KDM2A: variants seen among roughly 807,000 people sequenced by gnomAD.
KDM2A encodes the protein lysine demethylase 2A.
In KDM2A, 3 loss-of-function variants were observed where a neutral mutation model predicts 137.3. That is an observed-to-expected ratio of 0.02 (90% CI 0.01 to 0.06). KDM2A has a LOEUF of 0.06. Among genes scored for constraint, KDM2A ranks in the 10% least tolerant of loss-of-function variants. The probability of loss-of-function intolerance (pLI) is 1.00; values close to 1 mark genes in which losing one functional copy is unlikely to be tolerated. For synonymous variants in KDM2A, 512 were observed against 541.5 expected (o/e 0.95, Z 0.76); for missense variants, 738 against 1,510.6 (o/e 0.49, Z 8.48).
At chr11:67,249,330 C>T (rs1859338382) in intron 16 of KDM2A, among the ~76,000 whole-genome samples, 1 of 152,064 alleles carries the variant, frequency 6.6e-6, no homozygotes, top group Non-Finnish European at 1.5e-5. Flanking sequence ...AGGTAGCACC[C>T]AAAAGGTGGT....
chr11:67,159,709 A>ATAGG (rs1434739263), intron 2 of KDM2A, among the ~76,000 whole-genome samples: 1 of 152,214 alleles, frequency 6.6e-6, no homozygotes, highest in Non-Finnish European at 1.5e-5. Flanking sequence ...CAGGCATTTG[A>ATAGG]TAGGTACTGG....
At chr11:67,213,217 A>G (rs146738671) in intron 6 of KDM2A, among the ~76,000 whole-genome samples, 2 of 152,324 alleles carry the variant, frequency 1.3e-5, no homozygotes, top group East Asian at 3.9e-4. Context: ...TTCACATTAT[A>G]AGGGAAGTAA....
At chr11:67,171,630 G>A (rs1036132645) in intron 2 of KDM2A, among the ~76,000 whole-genome samples, 9 of 152,218 alleles carry the variant, frequency 5.9e-5, no homozygotes, top group African/African-American at 2.2e-4. Flanking sequence ...GCTTGGGTCA[G>A]CTTTACCTTT....
chr11:67,226,465 G>C (rs1858547924), intron 10 of KDM2A, among the ~76,000 whole-genome samples: 1 of 152,168 alleles, frequency 6.6e-6, no homozygotes, highest in Admixed American at 6.5e-5. Flanking sequence ...GCTCACGCCT[G>C]TAATCCCAGA....
chr11:67,138,364 G>C (rs945841847), intron 2 of KDM2A, among the ~76,000 whole-genome samples: 2 of 152,210 alleles, frequency 1.3e-5, no homozygotes, highest in Non-Finnish European at 2.9e-5. Flanking sequence ...TTGCTAATCA[G>C]GTTGCATAGG....
rs1043192817 is a variant in KDM2A, at chr11:67,255,856, C to G, written c.*801C>G. ...TGAGACAGGCACCATCTCCTTGTTC[C>G]CCCTCTCTCTTTTGCCTCCCACTGA... is the stretch of plus-strand genomic sequence containing the variant. On this transcript the variant is annotated 3_prime_UTR_variant, in exon 21 of 21. Coordinates refer to ENST00000529006, the MANE Select transcript of KDM2A (RefSeq NM_012308.3). 2 of 277,240 alleles carry G rather than the reference C, an allele frequency of 7.2e-6. No homozygotes were observed. Among genetic ancestry groups the G allele is most frequent in the Admixed American group, 9.5e-5 (2 of 21,012 alleles). 17.2% of individuals were successfully genotyped at this position (277,240 alleles called of 1,614,324 possible).
chr11:67,250,240 C>G lies in KDM2A; in HGVS notation c.2210C>G (p.Thr737Ser), dbSNP rs765992301. Residue 737 changes from threonine to serine, a missense_variant, in exon 17 of 21, where the codon ACT (threonine) becomes AGT (serine). Physicochemically the swap from Thr to Ser is moderately conservative, Grantham distance 58. This residue lies in a region of KDM2A where 244 missense variants were observed against 324.6 expected (regional missense o/e 0.75). Transcript: ENST00000529006. This position sits in a 1 kb window ranked among gnomAD's most constrained non-coding sequence, Gnocchi z 7.1. ...CCGGTTTCCCCCCGGGGTATGGTGA[C>G]TCGGTCATCCCCTGGGGCTGGCCCC... Reference protein sequence around the residue: ...HDPVSPRGMVTRSSPGAGPSD... With the variant: ...HDPVSPRGMVSRSSPGAGPSD... 1 of 1,613,766 alleles carries G rather than the reference C, an allele frequency of 6.2e-7. No homozygotes were observed. The highest frequency in any genetic ancestry group is 1.1e-5 in the South Asian group (1 of 91,088).
intron 15 of KDM2A, among the ~76,000 whole-genome samples, chr11:67,247,422 C>CTTTTTTTT (rs56012601): frequency 1.2e-5 from 1 of 84,528 alleles, no homozygotes; most frequent in Non-Finnish European, 2.1e-5. Flanking sequence ...GCATTACAAT[C>CTTTTTTTT]TTTTTTTTTT....
At chr11:67,124,979 TC>T (rs1333456159) in intron 2 of KDM2A, among the ~76,000 whole-genome samples, 1 of 150,046 alleles carries the variant, frequency 6.7e-6, no homozygotes, top group Non-Finnish European at 1.5e-5. Context: ...TGCCTCAGAC[TC>T]CCGAGTAGCT....
intron 6 of KDM2A, among the ~76,000 whole-genome samples, chr11:67,213,270 A>T (rs914858170): frequency 6.6e-6 from 1 of 152,226 alleles, no homozygotes; most frequent in Non-Finnish European, 1.5e-5. Flanking sequence ...TACCAGATAC[A>T]TGTTTTTTAT....
At chr11:67,192,433 CTTTT>C (rs921321640) in intron 5 of KDM2A, among the ~76,000 whole-genome samples, 2 of 70,534 alleles carry the variant, frequency 2.8e-5, no homozygotes, top group Non-Finnish European at 5.7e-5. Context: ...GTTTCCATTT[CTTTT>C]TTTTTTTTTT....
chr11:67,147,684 C>CTT (rs554907447), intron 2 of KDM2A, among the ~76,000 whole-genome samples: 112 of 145,790 alleles, frequency 7.7e-4, no homozygotes, highest in African/African-American at 2.6e-3. Context: ...ATTAGAGATT[C>CTT]TTTTTTTTTT....
chr11:67,201,117 C>G (rs1453408399), intron 5 of KDM2A, among the ~76,000 whole-genome samples: 3 of 151,412 alleles, frequency 2.0e-5, no homozygotes, highest in African/African-American at 7.3e-5. Flanking sequence ...TGGCGTGAAC[C>G]CGGGAGGCGG....
intron 2 of KDM2A, among the ~76,000 whole-genome samples, chr11:67,139,773 G>C (rs980473873): frequency 2.6e-5 from 4 of 151,982 alleles, no homozygotes; most frequent in African/African-American, 9.7e-5. Flanking sequence ...GCGCTGGCAC[G>C]ATCTTGGCTC....
intron 2 of KDM2A, among the ~76,000 whole-genome samples, chr11:67,178,185 C>G (rs1259365522): frequency 6.6e-6 from 1 of 152,082 alleles, no homozygotes; most frequent in Non-Finnish European, 1.5e-5. Flanking sequence ...GCGTGCAGAT[C>G]GCTTGAGCAC....
At chr11:67,196,737 C>T (rs192722217) in intron 5 of KDM2A, 672 of 286,734 alleles carry the variant, frequency 2.3e-3, no homozygotes, top group Non-Finnish European at 3.9e-3. Context: ...GGACTTAAAA[C>T]GGCCATAGTT....
chr11:67,177,373 G>C (rs1856993544), intron 2 of KDM2A, among the ~76,000 whole-genome samples: 1 of 151,902 alleles, frequency 6.6e-6, no homozygotes, highest in African/African-American at 2.4e-5. Context: ...ATAATACTTA[G>C]CTTAAAACAC....
intron 2 of KDM2A, among the ~76,000 whole-genome samples, chr11:67,169,759 C>CTGTCTCTCT (rs756503460): frequency 1.5e-5 from 1 of 65,696 alleles, no homozygotes; most frequent in Non-Finnish European, 2.4e-5. Context: ...CTCTCTCTCT[C>CTGTCTCTCT]TTTTTTTTTT....
Position 67,231,812 on chromosome 11 carries a change from C to G in KDM2A, c.1331C>G (p.Ala444Gly). Residue 444 changes from alanine to glycine, a missense_variant, in exon 12 of 21, where the codon GCT becomes GGT. By Grantham distance (60) the Ala-to-Gly change is moderately conservative (BLOSUM62 0). Around this residue, in one of 9 missense-constraint regions of KDM2A, gnomAD observed 113 missense variants for 133.5 expected, o/e 0.85. Transcript: ENST00000529006. ...GGACAAGTGTGGGATCCCCAGTGTG[C>G]TCCCCGAAAGGACAGGCAAGTGCAT... ...HNGQVWDPQC[A>G]PRKDRQVHLT... The G allele has an allele frequency of 6.2e-7, 1 of 1,614,058 alleles. No homozygotes were observed.
Sources: allele counts gnomAD v4.1 joint callset (sites outside exome capture counted in the v4.1 genomes callset), GRCh38; gene constraint gnomAD v4.1.1; regional missense constraint gnomAD v4.1.1; non-coding constraint Gnocchi (gnomAD v3.1); transcripts MANE v1.5; gene names NCBI Gene and HGNC (gene_info 2026-07-23, HGNC 2026-07-21).